The following EPHA1 variants were observed in gnomAD, a reference collection of about 807,000 sequenced individuals.
EPHA1 encodes EPH receptor A1, also known as ephrin type-A receptor 1.
A neutral mutation model predicts 110.1 loss-of-function variants in EPHA1; 92 were observed. The observed-to-expected ratio is 0.84, with a 90% CI of 0.71 to 0.99. The LOEUF (loss-of-function observed/expected upper bound fraction) is 0.99. Among genes scored for constraint, EPHA1 ranks in the 50% least tolerant of loss-of-function variants. The pLI is 0.00. For synonymous variants in EPHA1, 500 were observed against 516.1 expected, an observed-to-expected ratio of 0.97 and a Z score of 0.42; for missense variants, 1,204 against 1,285.4, an observed-to-expected ratio of 0.94 and a Z score of 0.97.
intron 16 of EPHA1, among the ~76,000 whole-genome samples, chr7:143,392,101 A>G (rs1563113523): frequency 6.6e-6 from 1 of 152,198 alleles, no homozygotes; most frequent in East Asian, 1.9e-4. Context: ...TGGTTAAGAC[A>G]TGGAAGTCTC....
At chr7:143,406,220 C>T (rs1041811245) in intron 2 of EPHA1, among the ~76,000 whole-genome samples, 1 of 152,130 alleles carries the variant, frequency 6.6e-6, no homozygotes, top group African/African-American at 2.4e-5. Context: ...TTCGGCCCCA[C>T]CCCCAACTTC....
intron 16 of EPHA1, among the ~76,000 whole-genome samples, chr7:143,392,733 G>C (rs964415026): frequency 6.6e-6 from 1 of 152,182 alleles, no homozygotes; most frequent in Non-Finnish European, 1.5e-5. Flanking sequence ...CATGAGGTCA[G>C]GAGTTCGAGA....
intron 2 of EPHA1, among the ~76,000 whole-genome samples, chr7:143,402,211 A>T (rs917575063): frequency 6.6e-6 from 1 of 151,540 alleles, no homozygotes; most frequent in African/African-American, 2.4e-5. Flanking sequence ...CACCACACCC[A>T]GCCCAAGATT....
At position 143,397,989 on chromosome 7, in the gene EPHA1, C is replaced by T; in HGVS notation, c.1546G>A (p.Val516Ile). Residue 516 changes from valine to isoleucine, a missense_variant, in exon 8 of 18, where the codon GTC (valine) becomes ATC (isoleucine). Physicochemically the swap from Val to Ile is conservative, Grantham distance 29. Coordinates refer to ENST00000275815, the MANE Select transcript of EPHA1 (RefSeq NM_005232.5). Reference sequence around the variant, plus strand: ...GGACCCAGTGGGGTCAGCATTCGGACTCTGACGATGTATGTGGTGTCAGGC... The same window carrying T: ...GGACCCAGTGGGGTCAGCATTCGGATTCTGACGATGTATGTGGTGTCAGGC... ...LQPDTTYIVR[V>I]RMLTPLGPGP... is the part of the protein sequence containing the mutation. The T allele has an allele frequency of 6.2e-7, 1 of 1,614,150 alleles. No individual in the cohort carries two copies. Among genetic ancestry groups the T allele is most frequent in the Non-Finnish European group, 8.5e-7 (1 of 1,180,020 alleles).
chr7:143,398,729 G>GC lies in EPHA1; in HGVS notation c.1207dup (p.Ala403GlyfsTer8). The GC allele has an allele frequency of 6.2e-7, 1 of 1,614,104 alleles. No homozygotes were observed. Reference sequence around the variant, plus strand: ...AGGTTCAAGGCCATTGACATGCACTGCAGGTGTGGTGAGCCCCCGGGCCCC... The same window carrying GC: ...AGGTTCAAGGCCATTGACATGCACTGCCAGGTGTGGTGAGCCCCCGGGCCCC... On this transcript the variant is annotated frameshift_variant, in exon 6 of 18. Transcript: ENST00000275815. LOFTEE classifies it high-confidence loss of function.
rs1016406803 is a variant in EPHA1 at position 143,403,194 on chromosome 7, T to A, written c.151-1589A>T. Reference sequence around the variant, plus strand: ...CCAGCTTGGCCAACAAGGCAAAACCTCCCATCTCTACTAAAAATACAAAAA... The same window carrying A: ...CCAGCTTGGCCAACAAGGCAAAACCACCCATCTCTACTAAAAATACAAAAA... On this transcript the variant is annotated intron_variant, in intron 2 of 17. Coordinates refer to ENST00000275815, the MANE Select transcript of EPHA1 (RefSeq NM_005232.5). 5.9e-5 allele frequency among the ~76,000 whole-genome samples: 9 copies of A among 152,132 alleles called. No homozygotes were observed. In the South Asian group the frequency reaches 1.9e-3, roughly 32 times the overall value.
At chr7:143,398,572 C>A in intron 6 of EPHA1, 29 bp downstream of exon 6, 1 of 1,608,098 alleles carries the variant, frequency 6.2e-7, no homozygotes, top group Non-Finnish European at 8.5e-7. Flanking sequence ...TCCACCAGGT[C>A]CCTGTCCCAG....
intron 15 of EPHA1, 77 bp downstream of exon 15, chr7:143,394,117 A>G: frequency 6.6e-7 from 1 of 1,513,398 alleles, no homozygotes; most frequent in Non-Finnish European, 8.9e-7. Flanking sequence ...TTTGCAGGAA[A>G]AGGCCATGGG....
rs763363033 is a variant in EPHA1 at position 143,395,453 on chromosome 7, CA to C, written c.1948del (p.Cys650AlafsTer9). ...RGTLRLPSQD[C>X]KTVAIKTLKD... Reference sequence around the variant, plus strand: ...TAAGGTCTTAATGGCCACAGTCTTGCAGTCCTGGCTGGGGAGCCTCAGGGTC... The same window carrying C: ...TAAGGTCTTAATGGCCACAGTCTTGCGTCCTGGCTGGGGAGCCTCAGGGTC... On this transcript the variant is annotated frameshift_variant, in exon 12 of 18. Transcript: ENST00000275815. LOFTEE classifies it high-confidence loss of function. This position sits in a 1 kb window ranked among gnomAD's most constrained non-coding sequence, Gnocchi z 4.7. 3.1e-6 allele frequency: 5 copies of C among 1,614,236 alleles called. No individual in the cohort carries two copies. The Admixed American group carries it at 8.3e-5, about 27-fold the overall frequency.
Position 143,391,491 on chromosome 7 carries a change from C to T in EPHA1, c.2897G>A (p.Arg966His), listed in dbSNP as rs139482378. The T allele has an allele frequency of 1.3e-3, 2,119 of 1,614,128 alleles. 5 individuals carry two copies. The highest frequency in any genetic ancestry group is 1.7e-3 in the Non-Finnish European group (1,999 of 1,180,012). Residue 966 changes from arginine (R) to histidine (H), a missense_variant, in exon 18 of 18, where the codon CGC (arginine) becomes CAC (histidine). Arg to His is a conservative substitution (Grantham distance 29). Transcript: ENST00000275815. Reference sequence around the variant, plus strand: ...GAATCCCTGAATACTGCAAAGAATGCGCTTCTGGTGCCCGGGCAGTGTGAT... The same window carrying T: ...GAATCCCTGAATACTGCAAAGAATGTGCTTCTGGTGCCCGGGCAGTGTGAT... The part of the protein sequence containing the change: ...MGITLPGHQK[R>H]ILCSIQGFKD
rs1036897840 is a variant in EPHA1, at chr7:143,398,086, G to A, written c.1465-16C>T. 3 of 1,613,550 alleles carry A rather than the reference G, an allele frequency of 1.9e-6. No individual in the cohort carries two copies. Among genetic ancestry groups the A allele is most frequent in the Non-Finnish European group, 2.5e-6 (3 of 1,179,566 alleles). ...GTTCTTCATCCTGTGGGTTGGAGTTGCATTAAGTGGGCAGTGCTGAGCCAG... is the reference window on the plus strand; with the variant it reads ...GTTCTTCATCCTGTGGGTTGGAGTTACATTAAGTGGGCAGTGCTGAGCCAG... On this transcript the variant is annotated splice_polypyrimidine_tract_variant and intron_variant, in intron 7 of 17. Coordinates refer to ENST00000275815, the MANE Select transcript of EPHA1 (RefSeq NM_005232.5).
rs939797299 is a variant in EPHA1, at chr7:143,401,023, C to T, written c.432+301G>A. 5 of 384,036 alleles carry T rather than the reference C, an allele frequency of 1.3e-5. No individual in the cohort carries two copies. Among genetic ancestry groups the T allele is most frequent in the East Asian group, 1.2e-4 (2 of 17,256 alleles). 23.8% of individuals were successfully genotyped at this position (384,036 alleles called of 1,614,324 possible). On this transcript the variant is annotated intron_variant, in intron 3 of 17. Coordinates refer to ENST00000275815, the MANE Select transcript of EPHA1 (RefSeq NM_005232.5). This position sits in a 1 kb window ranked among gnomAD's most constrained non-coding sequence, Gnocchi z 4.1. ...ATCCTCCTGCCTCAGCCTCCTGAGT[C>T]GCTGGGACTACAGGTATGGGCCACC...
rs373557157 is a variant in EPHA1, at chr7:143,398,722, A to C, written c.1215T>G (p.His405Gln). 4 of 1,613,988 alleles carry C rather than the reference A, an allele frequency of 2.5e-6. No individual in the cohort carries two copies. The Admixed American group carries it at 6.7e-5, about 27-fold the overall frequency. Residue 405 changes from histidine (H) to glutamine (Q), a missense_variant, in exon 6 of 18, where the codon CAT becomes CAG. Coordinates refer to ENST00000275815, the MANE Select transcript of EPHA1 (RefSeq NM_005232.5). ...GARGLTTPAV[H>Q]VNGLEPYANY... The stretch of plus-strand genomic sequence containing the variant: ...TGGCATAAGGTTCAAGGCCATTGAC[A>C]TGCACTGCAGGTGTGGTGAGCCCCC...
Position 143,395,115 on chromosome 7 carries a change from C to T in EPHA1, c.2145+6G>A, listed in dbSNP as rs1805208088. 5.0e-6 allele frequency: 8 copies of T among 1,614,068 alleles called. No individual in the cohort carries two copies. The highest frequency in any genetic ancestry group is 6.8e-6 in the Non-Finnish European group (8 of 1,180,020). ...CCCTCCCCAGCTAGTCCTCTGCCCT[C>T]CTCACCCTCAGGAAGGCATCCAGGG... On this transcript the variant is annotated splice_donor_region_variant and intron_variant, in intron 13 of 17. Transcript: ENST00000275815. The surrounding 1 kb of genome is among the most constrained non-coding windows in gnomAD (Gnocchi z 4.7).
At chr7:143,398,181 G>A (rs958342527) in intron 7 of EPHA1, 111 bp from the exon 8 acceptor site, 3 of 1,575,880 alleles carry the variant, frequency 1.9e-6, no homozygotes, top group Non-Finnish European at 2.6e-6. Context: ...GGTTAGGACA[G>A]GGTTCTTCAT....
chr7:143,391,412 T>A lies in EPHA1; in HGVS notation c.*45A>T. On this transcript the variant is annotated 3_prime_UTR_variant, in exon 18 of 18. Transcript: ENST00000275815. ...GTGACCATGAGCGACCTTGGCCCCG[T>A]CCTTGCTCCTTGCACCCTGATTGGG... 6.2e-7 allele frequency: 1 copy of A among 1,610,866 alleles called. No individual in the cohort carries two copies. Among genetic ancestry groups the A allele is most frequent in the Non-Finnish European group, 8.5e-7 (1 of 1,178,394 alleles).
rs369540551 is a variant in EPHA1, at chr7:143,399,633, C to G, written c.835+18G>C. On this transcript the variant is annotated intron_variant, in intron 4 of 17. Coordinates refer to ENST00000275815, the MANE Select transcript of EPHA1 (RefSeq NM_005232.5). ...CCTCCCGAGTGGTTCCTCAGGTTCTCACCGCCTCCGTTCTTACCAACACAT... is the reference window on the plus strand; with the variant it reads ...CCTCCCGAGTGGTTCCTCAGGTTCTGACCGCCTCCGTTCTTACCAACACAT... The G allele has an allele frequency of 6.2e-7, 1 of 1,611,950 alleles. No homozygotes were observed. Among genetic ancestry groups the G allele is most frequent in the Non-Finnish European group, 8.5e-7 (1 of 1,179,660 alleles).
chr7:143,400,155 C>A (rs1454255476), intron 3 of EPHA1, 102 bp from the exon 4 acceptor site: 1 of 1,365,032 alleles, frequency 7.3e-7, no homozygotes, highest in Middle Eastern at 2.0e-4. Context: ...CAACCATGAA[C>A]ACTGAGCCTT....
At chr7:143,408,657 G>C in intron 1 of EPHA1, 67 bp downstream of exon 1, 1 of 391,110 alleles carries the variant, frequency 2.6e-6, no homozygotes, top group Non-Finnish European at 4.5e-6. Context: ...TCTGCAGGGG[G>C]GTGCTGGCCG....
Sources: gnomAD v4.1 joint callset for allele counts (sites outside exome capture counted in the v4.1 genomes callset) on GRCh38, gnomAD v4.1.1 for gene constraint, Gnocchi (gnomAD v3.1) non-coding constraint, MANE v1.5 for transcripts, NCBI Gene and HGNC (gene_info 2026-07-23, HGNC 2026-07-21) for gene names.